The following RBFOX1 variants were observed in gnomAD, a reference collection of about 807,000 sequenced individuals.
RBFOX1 encodes RNA binding fox-1 homolog 1, also known as RNA binding protein fox-1 homolog 1.
In RBFOX1, 8 loss-of-function variants were observed where a neutral mutation model predicts 57.7. The ratio of observed to expected loss-of-function variants is 0.14; its 90% CI spans 0.08 to 0.25. RBFOX1 has a LOEUF of 0.25. RBFOX1 is among the 10% of genes least tolerant of loss of function. RBFOX1 has a pLI of 1.00. For missense variants in RBFOX1, 611 were observed against 548.5 expected, an observed-to-expected ratio of 1.11 and a Z score of -1.14; for synonymous variants, 326 against 222.4, an observed-to-expected ratio of 1.47 and a Z score of -4.15.
At chr16:6,904,904 C>T (rs1047243274) in intron 3 of RBFOX1, among the ~76,000 whole-genome samples, 1 of 152,122 alleles carries the variant, frequency 6.6e-6, no homozygotes, top group African/African-American at 2.4e-5. Flanking sequence ...TTCCCCTGTT[C>T]CCAATTCCCT....
Position 7,046,736 on chromosome 16 carries a change from G to A in RBFOX1, c.-15-5321G>A, listed in dbSNP as rs1007354718. On this transcript the variant is annotated intron_variant, in intron 3 of 15. Coordinates refer to ENST00000550418, the MANE Select transcript of RBFOX1 (RefSeq NM_018723.4). ...TTCTCCTGCCTCAGCCTCCCAAATA[G>A]CTGGGATTACAAGCACGCGCCATCA... Among the ~76,000 whole-genome samples, 3 of 150,068 alleles carry A rather than the reference G, an allele frequency of 2.0e-5. No individual in the cohort carries two copies. The Admixed American group carries it at 2.0e-4, about 10-fold the overall frequency.
At chr16:5,993,401 G>T (rs77495111) in intron 4 of RBFOX1, among the ~76,000 whole-genome samples, 1 of 74,886 alleles carries the variant, frequency 1.3e-5, no homozygotes, top group Non-Finnish European at 2.8e-5. Context: ...GAGAGAGACA[G>T]AGAGAGAGAG....
chr16:6,858,997 C>G (rs1028414440), intron 3 of RBFOX1, among the ~76,000 whole-genome samples: 10 of 150,918 alleles, frequency 6.6e-5, no homozygotes, highest in Non-Finnish European at 1.2e-4. Flanking sequence ...GCTTAGCTGA[C>G]CAGGTCACAG....
chr16:5,491,623 T>C (rs2042831127), intron 2 of RBFOX1, among the ~76,000 whole-genome samples: 1 of 152,186 alleles, frequency 6.6e-6, no homozygotes, highest in African/African-American at 2.4e-5. Context: ...CCTCAGTGAT[T>C]TTTACGTAGT....
At chr16:5,476,235 G>A (rs35921027) in intron 2 of RBFOX1, among the ~76,000 whole-genome samples, 54,607 of 151,804 alleles carry the variant, frequency 0.36, 10,804 homozygotes, top group South Asian at 0.52. Context: ...TACACATATC[G>A]CAAAACATCA....
At chr16:7,110,106 T>C (rs753461111) in intron 4 of RBFOX1, among the ~76,000 whole-genome samples, 8 of 151,182 alleles carry the variant, frequency 5.3e-5, no homozygotes, top group Non-Finnish European at 1.2e-4. Context: ...TCCCAGCACA[T>C]TGGGAGGCTT....
intron 3 of RBFOX1, among the ~76,000 whole-genome samples, chr16:5,807,590 C>A (rs1355020341): frequency 6.6e-6 from 1 of 152,176 alleles, no homozygotes; most frequent in South Asian, 2.1e-4. Context: ...TAGGTAACCA[C>A]ACAAGTGTAT....
rs536985959 is a variant in RBFOX1, at chr16:6,493,285, G to C, written c.-63-161318G>C. ...AGGTTTGGGGTCAGTATGCTCTTTG[G>C]AATGGGGTGGTGGGGTGTTGGAATT... On this transcript the variant is annotated intron_variant, in intron 2 of 15. Coordinates refer to ENST00000550418, the MANE Select transcript of RBFOX1 (RefSeq NM_018723.4). Among the ~76,000 whole-genome samples, 4 of 152,250 alleles carry C rather than the reference G, an allele frequency of 2.6e-5. 1 individual carries two copies. Among genetic ancestry groups the C allele is most frequent in the African/African-American group, 9.6e-5 (4 of 41,534 alleles).
At chr16:6,098,795 C>T (rs1294266054) in intron 1 of RBFOX1, among the ~76,000 whole-genome samples, 1 of 152,172 alleles carries the variant, frequency 6.6e-6, no homozygotes, top group African/African-American at 2.4e-5. Context: ...CTCTGAGACA[C>T]ACCCATCCCG....
At chr16:7,567,771 C>G (rs968229746) in intron 5 of RBFOX1, among the ~76,000 whole-genome samples, 1 of 146,588 alleles carries the variant, frequency 6.8e-6, no homozygotes, top group Non-Finnish European at 1.5e-5. Context: ...ATATATATCC[C>G]TCTCTATATA....
chr16:7,626,691 T>A (rs1171296106), intron 10 of RBFOX1, among the ~76,000 whole-genome samples: 1 of 150,570 alleles, frequency 6.6e-6, no homozygotes, highest in Non-Finnish European at 1.5e-5. Flanking sequence ...CTGTAAAAGT[T>A]ATTTACATGT....
At chr16:5,425,065 TTATCTATCTATCTATC>T (rs71280727) in intron 1 of RBFOX1, among the ~76,000 whole-genome samples, 2,188 of 68,582 alleles carry the variant, frequency 0.032, 35 homozygotes, top group Non-Finnish European at 0.036. Context: ...CCTTCCTTTC[TTATCTATCTATCTATC>T]TATCTATCTA....
intron 4 of RBFOX1, among the ~76,000 whole-genome samples, chr16:7,132,868 G>T (rs189870137): frequency 1.4e-4 from 22 of 152,176 alleles, no homozygotes; most frequent in Admixed American, 4.6e-4. Flanking sequence ...ATGCTGCCAC[G>T]TGGTGATAAA....
chr16:7,316,575 T>C (rs2096443953), intron 4 of RBFOX1, among the ~76,000 whole-genome samples: 1 of 152,148 alleles, frequency 6.6e-6, no homozygotes, highest in Admixed American at 6.5e-5. Flanking sequence ...TTCATGGAGG[T>C]TACAAGTCTG....
chr16:6,828,137 T>G (rs181621308), intron 3 of RBFOX1, among the ~76,000 whole-genome samples: 4 of 152,116 alleles, frequency 2.6e-5, no homozygotes, highest in African/African-American at 9.7e-5. Context: ...CAGGAAGCAA[T>G]TTGGCTTAAG....
intron 13 of RBFOX1, among the ~76,000 whole-genome samples, chr16:7,666,360 G>T (rs1186059160): frequency 6.7e-6 from 1 of 149,044 alleles, no homozygotes; most frequent in African/African-American, 2.5e-5. Flanking sequence ...CCACCAAAAT[G>T]GAAACTATCT....
intron 2 of RBFOX1, among the ~76,000 whole-genome samples, chr16:6,558,068 C>G (rs1182231816): frequency 1.3e-5 from 2 of 152,250 alleles, no homozygotes; most frequent in South Asian, 2.1e-4. Context: ...TTAAGGCTCT[C>G]TATGTTAGTC....
At chr16:5,581,280 G>A (rs1165229111) in intron 2 of RBFOX1, among the ~76,000 whole-genome samples, 3 of 152,188 alleles carry the variant, frequency 2.0e-5, no homozygotes, top group African/African-American at 4.8e-5. Flanking sequence ...AGTTCTACAA[G>A]GAATAGACTT....
rs527910290 is a variant in RBFOX1, at chr16:6,643,596, T to C, written c.-63-11007T>C. Among the ~76,000 whole-genome samples the C allele has an allele frequency of 9.9e-5, 15 of 152,258 alleles. No individual in the cohort carries two copies. In the East Asian group the frequency reaches 1.4e-3, roughly 14 times the overall value. ...TAATAAAGCAATTAACTTTAGAACA[T>C]TGGTTTAAATATTCAAATTCAAGCA... On this transcript the variant is annotated intron_variant, in intron 2 of 15. Coordinates refer to ENST00000550418, the MANE Select transcript of RBFOX1 (RefSeq NM_018723.4).
Sources: allele counts gnomAD v4.1 joint callset (sites outside exome capture counted in the v4.1 genomes callset), GRCh38; gene constraint gnomAD v4.1.1; transcripts MANE v1.5; gene names NCBI Gene and HGNC (gene_info 2026-07-23, HGNC 2026-07-21).